Variants in XYLT1 observed in about 807,000 individuals in gnomAD.
The protein encoded by XYLT1 is xylosyltransferase 1.
XYLT1 carries 36 observed loss-of-function variants against 91.3 expected under a neutral mutation model. The ratio of observed to expected loss-of-function variants is 0.39; its 90% CI spans 0.30 to 0.52. The LOEUF is 0.52. Among genes scored for constraint, XYLT1 ranks in the 20% least tolerant of loss-of-function variants. The pLI, the probability that XYLT1 is intolerant of heterozygous loss-of-function variation, is 0.68. For synonymous variants in XYLT1, 588 were observed against 532.0 expected, an observed-to-expected ratio of 1.11 and a Z score of -1.45; for missense variants, 1,242 against 1,284.5, an observed-to-expected ratio of 0.97 and a Z score of 0.51.
intron 6 of XYLT1, among the ~76,000 whole-genome samples, chr16:17,150,193 C>T (rs926896853): frequency 6.6e-6 from 1 of 152,194 alleles, no homozygotes; most frequent in East Asian, 1.9e-4. Context: ...GGATTCAGCT[C>T]CCTGATTTTG....
intron 3 of XYLT1, chr16:17,227,611 G>A (rs2033089710): frequency 6.6e-6 from 1 of 152,304 alleles, no homozygotes; most frequent in Non-Finnish European, 1.5e-5. Flanking sequence ...AGAGGCTCAA[G>A]CTGCAATGTA....
At chr16:17,402,963 C>T (rs1021991686) in intron 1 of XYLT1, among the ~76,000 whole-genome samples, 5 of 151,304 alleles carry the variant, frequency 3.3e-5, no homozygotes, top group Middle Eastern at 3.4e-3. Flanking sequence ...TGGATATACC[C>T]TATTTTCTGA....
In XYLT1 at chr16:17,127,720, T is replaced by G; in HGVS notation, c.2169A>C (p.Lys723Asn). 6.2e-7 allele frequency: 1 copy of G among 1,614,144 alleles called. No individual in the cohort carries two copies. Among genetic ancestry groups the G allele is most frequent in the Non-Finnish European group, 8.5e-7 (1 of 1,180,020 alleles). Residue 723 changes from lysine to asparagine, a missense_variant, in exon 10 of 12, where the codon AAA becomes AAC. Around this residue, in one of 3 missense-constraint regions of XYLT1, gnomAD observed 511 missense variants for 497.0 expected, o/e 1.03. Coordinates refer to ENST00000261381, the MANE Select transcript of XYLT1 (RefSeq NM_022166.4). ...TGGGTGGGCTTGCGATCTTGAAGACTTTTTTCGGCATCACCCAGGTCTCCA... is the reference window on the plus strand; with the variant it reads ...TGGGTGGGCTTGCGATCTTGAAGACGTTTTTCGGCATCACCCAGGTCTCCA... The part of the protein sequence containing the change: ...ETLETWVMPK[K>N]VFKIASPPSD...
At chr16:17,354,587 A>T (rs1185925085) in intron 2 of XYLT1, 3 of 152,360 alleles carry the variant, frequency 2.0e-5, no homozygotes, top group Admixed American at 2.0e-4. Context: ...CAGGCAGGCT[A>T]ACCTGTGACA....
intron 1 of XYLT1, among the ~76,000 whole-genome samples, chr16:17,396,980 G>A (rs1040554378): frequency 2.6e-5 from 4 of 152,160 alleles, no homozygotes; most frequent in South Asian, 2.1e-4. Flanking sequence ...ACACAGCCAC[G>A]TTCATTTGTT....
intron 2 of XYLT1, among the ~76,000 whole-genome samples, chr16:17,280,098 C>G (rs1358864326): frequency 3.3e-5 from 5 of 152,230 alleles, no homozygotes; most frequent in African/African-American, 1.2e-4. Context: ...TGCCTATAAT[C>G]CCAGCATTTT....
chr16:17,110,957 C>G (rs1319795084), intron 11 of XYLT1, among the ~76,000 whole-genome samples: 1 of 152,048 alleles, frequency 6.6e-6, no homozygotes, highest in Non-Finnish European at 1.5e-5. Flanking sequence ...GTCAGGAGTT[C>G]GAGACCAGCC....
intron 2 of XYLT1, among the ~76,000 whole-genome samples, chr16:17,307,417 G>A (rs1010016880): frequency 4.6e-5 from 7 of 152,178 alleles, no homozygotes; most frequent in Non-Finnish European, 1.0e-4. Flanking sequence ...AGTCAAAACT[G>A]TATTACTGAG....
At chr16:17,160,315 G>A (rs889842343) in intron 5 of XYLT1, among the ~76,000 whole-genome samples, 2 of 152,180 alleles carry the variant, frequency 1.3e-5, no homozygotes, top group Admixed American at 1.3e-4. Flanking sequence ...ATCAATGCAC[G>A]TCGTCCTGCT....
chr16:17,401,945 C>T (rs12103240), intron 1 of XYLT1, among the ~76,000 whole-genome samples: 266 of 152,160 alleles, frequency 1.7e-3, no homozygotes, highest in African/African-American at 6.2e-3. Flanking sequence ...GGTGCATCAA[C>T]GCAGTGGTGA....
intron 1 of XYLT1, among the ~76,000 whole-genome samples, chr16:17,458,043 A>G (rs2036767432): frequency 6.6e-6 from 1 of 152,202 alleles, no homozygotes; most frequent in African/African-American, 2.4e-5. Flanking sequence ...TAAATAATGT[A>G]TACATTAGCT....
At chr16:17,170,724 C>A (rs1422879286) in intron 5 of XYLT1, among the ~76,000 whole-genome samples, 1 of 152,186 alleles carries the variant, frequency 6.6e-6, no homozygotes, top group African/African-American at 2.4e-5. Context: ...ATTCATCCTG[C>A]CCTGGGTTTA....
chr16:17,331,816 T>G (rs1243677711), intron 2 of XYLT1, among the ~76,000 whole-genome samples: 1 of 152,204 alleles, frequency 6.6e-6, no homozygotes, highest in Non-Finnish European at 1.5e-5. Context: ...TAATATTATG[T>G]GCTGCCTTGA....
At chr16:17,466,474 C>A (rs2036898809) in intron 1 of XYLT1, among the ~76,000 whole-genome samples, 2 of 152,186 alleles carry the variant, frequency 1.3e-5, no homozygotes, top group South Asian at 4.1e-4. Context: ...GATGTCAAAT[C>A]TCTGCTTTAA....
chr16:17,365,785 A>G (rs572077961), intron 1 of XYLT1, among the ~76,000 whole-genome samples: 4 of 152,184 alleles, frequency 2.6e-5, no homozygotes, highest in East Asian at 3.9e-4. Flanking sequence ...GAAACCACAG[A>G]CTCATGGAAA....
intron 1 of XYLT1, among the ~76,000 whole-genome samples, chr16:17,395,920 G>A (rs1221149631): frequency 6.6e-6 from 1 of 152,098 alleles, no homozygotes; most frequent in Admixed American, 6.5e-5. Flanking sequence ...AATCAGCCAA[G>A]GGGGGCTGTG....
At chr16:17,140,658 C>A (rs2030942584) in intron 7 of XYLT1, among the ~76,000 whole-genome samples, 1 of 68,004 alleles carries the variant, frequency 1.5e-5, no homozygotes. Flanking sequence ...AAGACTGTCT[C>A]AAAAAAAAAA....
At chr16:17,134,834 C>T in intron 8 of XYLT1, 99 bp from the exon 9 acceptor site, 1 of 1,445,704 alleles carries the variant, frequency 6.9e-7, no homozygotes, top group South Asian at 1.3e-5. Context: ...CAAAGCTCTG[C>T]TGGACCCGAA....
chr16:17,142,431 ATTTTTTTTTT>A (rs71137975), intron 6 of XYLT1, among the ~76,000 whole-genome samples: 1 of 122,738 alleles, frequency 8.1e-6, no homozygotes, highest in Non-Finnish European at 1.6e-5. Flanking sequence ...AAATCCTGTA[ATTTTTTTTTT>A]TTTTTTTTTT....
Sources: gnomAD v4.1 joint callset for allele counts (sites outside exome capture counted in the v4.1 genomes callset) on GRCh38, gnomAD v4.1.1 for gene constraint, gnomAD v4.1.1 regional missense constraint, MANE v1.5 for transcripts, NCBI Gene and HGNC (gene_info 2026-07-23, HGNC 2026-07-21) for gene names.